Variants in IL31RA observed in about 807,000 individuals in gnomAD.
The protein encoded by IL31RA is interleukin-31 receptor subunit alpha.
In IL31RA, 66 loss-of-function variants were observed where a neutral mutation model predicts 83.7. That is an observed-to-expected ratio of 0.79 (90% confidence interval 0.65 to 0.97). The LOEUF (loss-of-function observed/expected upper bound fraction) is 0.97, where lower values mean the gene tolerates loss of function less well. Among genes scored for constraint, IL31RA ranks in the 50% least tolerant of loss-of-function variants. The probability of loss-of-function intolerance (pLI) is 0.00; values close to 1 mark genes in which losing one functional copy is unlikely to be tolerated. For synonymous variants in IL31RA, 325 were observed against 329.0 expected (o/e 0.99, Z 0.13); for missense variants, 798 against 919.4 (o/e 0.87, Z 1.71).
chr5:55,913,328 G>GT (rs944380600), intron 12 of IL31RA, 149 bp from the exon 13 acceptor site: 6 of 676,096 alleles, frequency 8.9e-6, no homozygotes, highest in East Asian at 8.2e-5. Flanking sequence ...CTGACCTGGG[G>GT]TTTTTTTAGT....
intron 5 of IL31RA, among the ~76,000 whole-genome samples, chr5:55,888,192 A>G (rs1747754535): frequency 6.6e-6 from 1 of 152,226 alleles, no homozygotes; most frequent in South Asian, 2.1e-4. Flanking sequence ...GAAGCTAATT[A>G]ATGTTTTAGT....
chr5:55,897,471 A>AC (rs925222995), intron 7 of IL31RA, among the ~76,000 whole-genome samples: 2 of 150,228 alleles, frequency 1.3e-5, no homozygotes, highest in Non-Finnish European at 3.0e-5. Flanking sequence ...AGTCTCCGGA[A>AC]CCCCCCTCCC....
chr5:55,916,564 G>C, intron 14 of IL31RA, 80 bp from the exon 15 acceptor site: 1 of 1,226,962 alleles, frequency 8.2e-7, no homozygotes, highest in Non-Finnish European at 1.2e-6. Context: ...GGCATTTGCT[G>C]TCCCAAGCCT....
chr5:55,899,670 T>G (rs1390312298), intron 7 of IL31RA, among the ~76,000 whole-genome samples: 1 of 152,176 alleles, frequency 6.6e-6, no homozygotes, highest in Non-Finnish European at 1.5e-5. Context: ...TTTACATTGT[T>G]TTGGGCATTC....
At chr5:55,906,316 C>T (rs778540901) in intron 9 of IL31RA, 28 bp downstream of exon 9, 45 of 1,608,284 alleles carry the variant, frequency 2.8e-5, no homozygotes, top group Non-Finnish European at 3.6e-5. Flanking sequence ...CACAGGTTCC[C>T]TCAGTGCAGG....
intron 6 of IL31RA, among the ~76,000 whole-genome samples, chr5:55,892,071 G>A (rs550488782): frequency 1.2e-4 from 18 of 152,138 alleles, no homozygotes; most frequent in East Asian, 7.8e-4. Flanking sequence ...CACTGTGCCC[G>A]GCCTGGACAA....
chr5:55,871,888 A>G (rs1009536978), intron 3 of IL31RA, among the ~76,000 whole-genome samples: 5 of 148,882 alleles, frequency 3.4e-5, no homozygotes, highest in Non-Finnish European at 7.4e-5. Flanking sequence ...ATATATGAAT[A>G]TATTTTTACA....
intron 12 of IL31RA, among the ~76,000 whole-genome samples, chr5:55,912,604 C>T (rs1749560792): frequency 2.0e-5 from 3 of 152,144 alleles, no homozygotes; most frequent in African/African-American, 7.2e-5. Flanking sequence ...CAAGACCAGC[C>T]TGGCCAACAT....
At chr5:55,899,400 G>A (rs1201272531) in intron 7 of IL31RA, among the ~76,000 whole-genome samples, 1 of 152,216 alleles carries the variant, frequency 6.6e-6, no homozygotes, top group African/African-American at 2.4e-5. Context: ...GACTGGCAGT[G>A]CGGCCCTCTT....
intron 7 of IL31RA, among the ~76,000 whole-genome samples, chr5:55,898,195 A>T (rs903272174): frequency 3.9e-5 from 6 of 152,152 alleles, no homozygotes; most frequent in Non-Finnish European, 8.8e-5. Context: ...ACACGCCCAC[A>T]TGTGGTCTTA....
Position 55,872,564 on chromosome 5 carries a change from T to G in IL31RA, c.454+113T>G, listed in dbSNP as rs534195403. ...GCTCATCAAGTTCAAGGATATGTGT[T>G]GTGGGTATACAGAAAATTCATCTTC... is the stretch of plus-strand genomic sequence containing the variant. On this transcript the variant is annotated intron_variant, in intron 4 of 14. Coordinates refer to ENST00000652347, the MANE Select transcript of IL31RA (RefSeq NM_139017.7). The G allele has an allele frequency of 6.5e-4, 375 of 579,702 alleles. 5 individuals carry two copies. The Admixed American group carries it at 9.8e-3, about 15-fold the overall frequency. 35.9% of individuals were successfully genotyped at this position (579,702 alleles called of 1,614,324 possible).
chr5:55,852,646 T>G (rs1745131925), intron 1 of IL31RA, among the ~76,000 whole-genome samples: 1 of 152,228 alleles, frequency 6.6e-6, no homozygotes, highest in South Asian at 2.1e-4. Context: ...TCTTTCCTTT[T>G]GCATCATAAT....
Position 55,920,602 on chromosome 5 carries a change from C to G in IL31RA, c.*3482C>G, listed in dbSNP as rs775922906. Among the ~76,000 whole-genome samples the G allele has an allele frequency of 4.3e-4, 66 of 152,214 alleles. No homozygotes were observed. The highest frequency in any genetic ancestry group is 7.5e-4 in the Non-Finnish European group (51 of 68,034). ...TTTCCCACAAAGCAGAAAACGTTTA[C>G]TCTCTGACCCTTTGCAGAAAAAATT... On this transcript the variant is annotated 3_prime_UTR_variant, in exon 15 of 15. Coordinates refer to ENST00000652347, the MANE Select transcript of IL31RA (RefSeq NM_139017.7).
At chr5:55,908,895 C>T (rs12055023) in intron 11 of IL31RA, 316,402 of 1,270,966 alleles carry the variant, frequency 0.25, 41,066 homozygotes, top group African/African-American at 0.32. Flanking sequence ...GTAAAATACA[C>T]GTAAAATATT....
chr5:55,889,567 G>A (rs1747854440), intron 5 of IL31RA, among the ~76,000 whole-genome samples: 1 of 152,222 alleles, frequency 6.6e-6, no homozygotes, highest in Non-Finnish European at 1.5e-5. Flanking sequence ...ATTTGATGCA[G>A]CTAAGGTCTC....
chr5:55,909,017 A>G, intron 11 of IL31RA: 2 of 482,250 alleles, frequency 4.1e-6, no homozygotes, highest in Non-Finnish European at 5.7e-6. Context: ...CCCAAATAGA[A>G]GCCCTATACC....
intron 6 of IL31RA, among the ~76,000 whole-genome samples, chr5:55,894,172 T>C (rs1748191509): frequency 6.6e-6 from 1 of 152,002 alleles, no homozygotes; most frequent in Non-Finnish European, 1.5e-5. Context: ...AGTTTGACTC[T>C]CCACATGATT....
chr5:55,852,192 CAG>C (rs1228620378), intron 1 of IL31RA: 1 of 152,522 alleles, frequency 6.6e-6, no homozygotes, highest in African/African-American at 2.4e-5. Context: ...TTTTTTGAGA[CAG>C]AGTTTCACTC....
At chr5:55,891,240 T>C (rs1346538938) in intron 6 of IL31RA, among the ~76,000 whole-genome samples, 2 of 152,226 alleles carry the variant, frequency 1.3e-5, no homozygotes, top group African/African-American at 4.8e-5. Context: ...TCACTCAGCA[T>C]GTGTTACTTT....
Sources: gnomAD v4.1 joint callset for allele counts (sites outside exome capture counted in the v4.1 genomes callset) on GRCh38, gnomAD v4.1.1 for gene constraint, MANE v1.5 for transcripts, NCBI Gene and HGNC (gene_info 2026-07-23, HGNC 2026-07-21) for gene names.